The following C8orf34 variants were observed in gnomAD, a reference collection of about 807,000 sequenced individuals.
C8orf34 encodes chromosome 8 open reading frame 34.
A neutral mutation model predicts 68.3 loss-of-function variants in C8orf34; 65 were observed. The observed-to-expected ratio is 0.95, with a 90% confidence interval of 0.78 to 1.17. C8orf34 has a LOEUF of 1.17. Ranked by LOEUF, C8orf34 falls within the 50% of genes most tolerant of loss-of-function variation. The pLI is 0.00. For missense variants in C8orf34, 664 were observed against 655.4 expected, an observed-to-expected ratio of 1.01 and a Z score of -0.14; for synonymous variants, 244 against 241.2, an observed-to-expected ratio of 1.01 and a Z score of -0.11.
intron 5 of C8orf34, 41 bp downstream of exon 5, chr8:68,488,092 C>G (rs1813153773): frequency 2.8e-6 from 4 of 1,430,468 alleles, no homozygotes; most frequent in Non-Finnish European, 3.8e-6. Context: ...AAATGTAGAA[C>G]TTACCTTTTA....
At chr8:68,682,812 A>G (rs1046122539) in intron 8 of C8orf34, among the ~76,000 whole-genome samples, 2 of 152,222 alleles carry the variant, frequency 1.3e-5, no homozygotes, top group Admixed American at 6.5e-5. Context: ...TTCTGGCTAA[A>G]GGAATTTTAC....
At chr8:68,631,813 G>A (rs1818698386) in intron 7 of C8orf34, among the ~76,000 whole-genome samples, 1 of 152,132 alleles carries the variant, frequency 6.6e-6, no homozygotes, top group South Asian at 2.1e-4. Flanking sequence ...TATGTAAGAA[G>A]TGTCTTGCTT....
intron 6 of C8orf34, among the ~76,000 whole-genome samples, chr8:68,527,436 G>C (rs1344627322): frequency 1.3e-5 from 2 of 152,268 alleles, no homozygotes; most frequent in Non-Finnish European, 2.9e-5. Context: ...GCCGGGCGTG[G>C]TGGTGGGCGC....
intron 6 of C8orf34, among the ~76,000 whole-genome samples, chr8:68,528,118 C>T (rs1318870613): frequency 6.6e-6 from 1 of 152,200 alleles, no homozygotes; most frequent in Non-Finnish European, 1.5e-5. Flanking sequence ...CTGTAACTCT[C>T]CCCAGTAGCT....
intron 3 of C8orf34, among the ~76,000 whole-genome samples, chr8:68,460,181 C>A (rs1811739409): frequency 6.6e-6 from 1 of 152,178 alleles, no homozygotes; most frequent in South Asian, 2.1e-4. Context: ...CGGAGTCTCG[C>A]TGATTGCTAG....
chr8:68,391,495 T>G (rs2591018), intron 1 of C8orf34, among the ~76,000 whole-genome samples: 90,531 of 151,984 alleles, frequency 0.6, 27,001 homozygotes, highest in African/African-American at 0.62. Context: ...GTTGGATAGA[T>G]GTAACCATGA....
At chr8:68,802,529 C>CTGTCTCT (rs1340363021) in intron 12 of C8orf34, among the ~76,000 whole-genome samples, 6 of 152,230 alleles carry the variant, frequency 3.9e-5, no homozygotes, top group African/African-American at 1.4e-4. Context: ...GAGACAAGTT[C>CTGTCTCT]TGTCTCTTGC....
At chr8:68,768,520 T>C (rs1316513370) in intron 10 of C8orf34, among the ~76,000 whole-genome samples, 1 of 152,202 alleles carries the variant, frequency 6.6e-6, no homozygotes, top group Non-Finnish European at 1.5e-5. Context: ...TGTATCTTTA[T>C]CTCCTCTTTT....
chr8:68,704,773 C>T (rs990442499), intron 8 of C8orf34, among the ~76,000 whole-genome samples: 2 of 149,960 alleles, frequency 1.3e-5, no homozygotes, highest in Non-Finnish European at 3.0e-5. Context: ...GAGGTCTTGA[C>T]ATTATACTCC....
intron 8 of C8orf34, among the ~76,000 whole-genome samples, chr8:68,678,859 G>GA (rs35973682): frequency 0.22 from 25,506 of 116,608 alleles, 2,700 homozygotes; most frequent in East Asian, 0.58. Context: ...GACCACAACT[G>GA]AAAAAAAAAA....
intron 1 of C8orf34, among the ~76,000 whole-genome samples, chr8:68,373,834 G>A (rs1364336404): frequency 6.6e-6 from 1 of 152,076 alleles, no homozygotes; most frequent in African/African-American, 2.4e-5. Context: ...ATCACAAGTG[G>A]TTAAAATAAA....
intron 1 of C8orf34, among the ~76,000 whole-genome samples, chr8:68,372,759 A>C (rs1036823288): frequency 2.0e-5 from 3 of 151,456 alleles, no homozygotes; most frequent in Non-Finnish European, 4.4e-5. Flanking sequence ...CTAGTCCTCC[A>C]CCCTCCGACA....
upstream of C8orf34, chr8:68,330,805 A>ACCACGCACGCACACACACAC (rs201838391): frequency 4.1e-6 from 2 of 482,958 alleles, no homozygotes; most frequent in Admixed American, 8.7e-5. Context: ...ACACACACAC[A>ACCACGCACGCACACACACAC]CACGCACGCA....
At chr8:68,381,901 C>T (rs1808058596) in intron 1 of C8orf34, among the ~76,000 whole-genome samples, 1 of 152,114 alleles carries the variant, frequency 6.6e-6, no homozygotes, top group African/African-American at 2.4e-5. Flanking sequence ...TTCTCCAGTG[C>T]TCCTTCATAG....
chr8:68,401,640 CTCTTGAAATGGCCATTTGTTTTTCTTCT>C (rs1808960550), intron 1 of C8orf34, among the ~76,000 whole-genome samples: 1 of 20,898 alleles, frequency 4.8e-5, no homozygotes. Context: ...TTTTCTTCAT[CTCTTGAAATGGCCATTTGTTTTTCTTCT>C]TAATTCTGTT....
At chr8:68,333,101 G>C (rs1297577629) in intron 1 of C8orf34, among the ~76,000 whole-genome samples, 1 of 152,040 alleles carries the variant, frequency 6.6e-6, no homozygotes, top group Non-Finnish European at 1.5e-5. Flanking sequence ...GTTTTAATTT[G>C]TTATCTTAAA....
At chr8:68,676,583 C>A (rs1820198236) in intron 8 of C8orf34, among the ~76,000 whole-genome samples, 1 of 152,268 alleles carries the variant, frequency 6.6e-6, no homozygotes, top group African/African-American at 2.4e-5. Context: ...AATACATATT[C>A]TTTTCCTCAG....
In C8orf34 at chr8:68,658,574, C is replaced by T. The variant is rs887138013; in HGVS notation, c.1241+18063C>T. On this transcript the variant is annotated intron_variant, in intron 8 of 13. Transcript: ENST00000518698. ...TTAGTAAGGTGTCCTGCCACTTTCT[C>T]TTTGAAAATTTATTCCCTTCTATTT... Among the ~76,000 whole-genome samples, 6 of 152,152 alleles carry T rather than the reference C, an allele frequency of 3.9e-5. No homozygotes were observed. In the East Asian group the frequency reaches 1.2e-3, roughly 29 times the overall value.
chr8:68,677,523 T>A (rs1401928699), intron 8 of C8orf34, among the ~76,000 whole-genome samples: 2 of 152,082 alleles, frequency 1.3e-5, no homozygotes, highest in African/African-American at 4.8e-5. Context: ...CACACACAGC[T>A]AAGTCTTATT....
Sources: gnomAD v4.1 joint callset for allele counts (sites outside exome capture counted in the v4.1 genomes callset) on GRCh38, gnomAD v4.1.1 for gene constraint, MANE v1.5 for transcripts, NCBI Gene and HGNC (gene_info 2026-07-23, HGNC 2026-07-21) for gene names.